The following MYLK4 variants were observed in gnomAD, a reference collection of about 807,000 sequenced individuals.
MYLK4 encodes myosin light chain kinase family member 4, also known as caMLCK like.
A neutral mutation model predicts 48.1 loss-of-function variants in MYLK4; 46 were observed. The observed-to-expected ratio is 0.96, with a 90% CI of 0.75 to 1.22. The LOEUF (loss-of-function observed/expected upper bound fraction) is 1.22, where lower values mean the gene tolerates loss of function less well. Ranked by LOEUF, MYLK4 falls within the 50% of genes most tolerant of loss-of-function variation. The pLI is 0.00. For synonymous variants in MYLK4, 170 were observed against 180.8 expected (o/e 0.94, Z 0.48); for missense variants, 451 against 486.1 (o/e 0.93, Z 0.68).
intron 12 of MYLK4, among the ~76,000 whole-genome samples, chr6:2,671,009 G>A (rs1057095983): frequency 3.3e-5 from 5 of 151,928 alleles, no homozygotes; most frequent in East Asian, 1.9e-4. Context: ...CTCTGGTCTC[G>A]GGGCTTTGCT....
At chr6:2,725,603 GAAACAAACAAAC>G (rs369948027) in intron 2 of MYLK4, among the ~76,000 whole-genome samples, 2 of 145,278 alleles carry the variant, frequency 1.4e-5, no homozygotes, top group African/African-American at 5.2e-5. Context: ...AAGAAAGAAA[GAAACAAACAAAC>G]AAACAAAGAA....
rs1251576143 is a variant in MYLK4 at position 2,665,080 on chromosome 6, C to T, written c.*2845G>A. The T allele has an allele frequency of 6.6e-6, 1 of 152,208 alleles. No individual in the cohort carries two copies. Among genetic ancestry groups the T allele is most frequent in the Non-Finnish European group, 1.5e-5 (1 of 68,048 alleles). 9.4% of individuals were successfully genotyped at this position (152,208 alleles called of 1,614,324 possible). A position where few individuals can be genotyped will look rare whatever the true frequency, so the allele number is the denominator to read the frequency against. On this transcript the variant is annotated 3_prime_UTR_variant, in exon 13 of 13. Transcript: ENST00000274643. ...GCCTAGTGAGTGAGCAAAGCCATACCATCCATTAAGAGGGTGGAGGAGAAA... is the reference window on the plus strand; with the variant it reads ...GCCTAGTGAGTGAGCAAAGCCATACTATCCATTAAGAGGGTGGAGGAGAAA...
intron 2 of MYLK4, among the ~76,000 whole-genome samples, chr6:2,730,577 A>C (rs936649306): frequency 2.6e-5 from 4 of 152,198 alleles, no homozygotes; most frequent in African/African-American, 2.4e-5. Flanking sequence ...GGAGGAATGA[A>C]TAGGGCAGTG....
At chr6:2,728,457 G>A (rs930946160) in intron 2 of MYLK4, among the ~76,000 whole-genome samples, 1 of 151,764 alleles carries the variant, frequency 6.6e-6, no homozygotes, top group African/African-American at 2.4e-5. Context: ...GGAGAGGTGG[G>A]AGCTCCTTTG....
At chr6:2,739,683 T>C (rs1172331452) in intron 2 of MYLK4, among the ~76,000 whole-genome samples, 1 of 152,190 alleles carries the variant, frequency 6.6e-6, no homozygotes, top group Non-Finnish European at 1.5e-5. Flanking sequence ...CAAATGAGGT[T>C]TTAAAAAATC....
chr6:2,739,763 C>T (rs190014278), intron 2 of MYLK4, among the ~76,000 whole-genome samples: 268 of 152,258 alleles, frequency 1.8e-3, no homozygotes, highest in African/African-American at 6.1e-3. Flanking sequence ...AGACCTAGGG[C>T]CTAAATATAC....
At chr6:2,762,693 G>A in the MYLK4 span, among the ~76,000 whole-genome samples, 13 of 152,274 alleles carry the variant, frequency 8.5e-5, no homozygotes, top group African/African-American at 2.4e-4. Flanking sequence ...ATGAATAAAC[G>A]CATAGACCCT....
chr6:2,665,351 G>A lies in MYLK4; in HGVS notation c.*2574C>T, dbSNP rs540858676. On this transcript the variant is annotated 3_prime_UTR_variant, in exon 13 of 13. Coordinates refer to ENST00000274643, the MANE Select transcript of MYLK4 (RefSeq NM_001012418.5). ...TAATCTCCCATTTCAAGTAACTCTA[G>A]ACTGTAATCATGAACTCTGCAATGC... The A allele has an allele frequency of 3.9e-5, 6 of 152,302 alleles. No homozygotes were observed. The highest frequency in any genetic ancestry group is 2.1e-4 in the South Asian group (1 of 4,828). 9.4% of individuals were successfully genotyped at this position (152,302 alleles called of 1,614,324 possible).
At chr6:2,703,665 C>CTTTTTTTTTTTTTTTTTTTTTTTT (rs3055234) in intron 2 of MYLK4, among the ~76,000 whole-genome samples, 2 of 95,120 alleles carry the variant, frequency 2.1e-5, no homozygotes, top group East Asian at 4.1e-4. Context: ...TTTGTGAATT[C>CTTTTTTTTTTTTTTTTTTTTTTTT]TTTTTTTTTT....
chr6:2,673,705 C>A lies in MYLK4; in HGVS notation c.1119+1342G>T, dbSNP rs1330050161. 6.6e-6 allele frequency among the ~76,000 whole-genome samples: 1 copy of A among 152,162 alleles called. No homozygotes were observed. The highest frequency in any genetic ancestry group is 1.5e-5 in the Non-Finnish European group (1 of 68,024). On this transcript the variant is annotated intron_variant, in intron 11 of 12. Coordinates refer to ENST00000274643, the MANE Select transcript of MYLK4 (RefSeq NM_001012418.5). The surrounding 1 kb of genome is among the most constrained non-coding windows in gnomAD (Gnocchi z 4.2). ...TCAGTAAAGTTACTTGGGCATTACACATCTGTTTCTGTGTTAATTATATAA... is the reference window on the plus strand; with the variant it reads ...TCAGTAAAGTTACTTGGGCATTACAAATCTGTTTCTGTGTTAATTATATAA...
rs1382724037 is a variant in MYLK4, at chr6:2,685,276, G to A, written c.545+20C>T. ...GAGTGCCCTTGGGGAGGTCAGGGAGGGGGCGGAGGGGATACGTACTACTCC... is the reference window on the plus strand; with the variant it reads ...GAGTGCCCTTGGGGAGGTCAGGGAGAGGGCGGAGGGGATACGTACTACTCC... On this transcript the variant is annotated intron_variant, in intron 6 of 12. Transcript: ENST00000274643. This position sits in a 1 kb window ranked among gnomAD's most constrained non-coding sequence, Gnocchi z 4.5. 1 of 1,572,708 alleles carries A rather than the reference G, an allele frequency of 6.4e-7. No homozygotes were observed. The highest frequency in any genetic ancestry group is 2.3e-5 in the East Asian group (1 of 44,256).
chr6:2,678,191 G>T, intron 10 of MYLK4, 29 bp downstream of exon 10: 4 of 1,609,192 alleles, frequency 2.5e-6, no homozygotes, highest in Non-Finnish European at 3.4e-6. Flanking sequence ...TCCCTACTGC[G>T]CCCGGAGCAC....
chr6:2,713,231 A>G (rs1762741168), intron 2 of MYLK4, among the ~76,000 whole-genome samples: 2 of 152,124 alleles, frequency 1.3e-5, no homozygotes, highest in African/African-American at 2.4e-5. Flanking sequence ...TTAGCCAGGC[A>G]TGGTGGTGCA....
At chr6:2,681,458 T>C (rs547766876) in intron 7 of MYLK4, among the ~76,000 whole-genome samples, 9 of 152,214 alleles carry the variant, frequency 5.9e-5, no homozygotes, top group Non-Finnish European at 1.0e-4. Context: ...AAATCACTGA[T>C]GGATCATGTA....
chr6:2,669,414 C>T (rs1760793562), intron 12 of MYLK4, among the ~76,000 whole-genome samples: 1 of 152,242 alleles, frequency 6.6e-6, no homozygotes, highest in Admixed American at 6.5e-5. Flanking sequence ...CCTCCCATCA[C>T]CATTTCCTCC....
At position 2,665,553 on chromosome 6, in the gene MYLK4, A is replaced by G. The variant is rs1403734412; in HGVS notation, c.*2372T>C. On this transcript the variant is annotated 3_prime_UTR_variant, in exon 13 of 13. Coordinates refer to ENST00000274643, the MANE Select transcript of MYLK4 (RefSeq NM_001012418.5). ...CCACTCACTGCAGGGTCATCAGTGC[A>G]TTAACTTGGCAAAGAAATCATGCCT... The G allele has an allele frequency of 6.6e-6, 1 of 152,278 alleles. No individual in the cohort carries two copies. The highest frequency in any genetic ancestry group is 1.5e-5 in the Non-Finnish European group (1 of 68,058). The allele number at this position is 152,278 out of a possible 1,614,324, so 9.4% of individuals were successfully genotyped here. A position where few individuals can be genotyped will look rare whatever the true frequency, so the allele number is the denominator to read the frequency against.
chr6:2,770,162 A>G, the MYLK4 span: 1 of 1,614,026 alleles, frequency 6.2e-7, no homozygotes, highest in Non-Finnish European at 8.5e-7. Flanking sequence ...GATCACTCTG[A>G]TTGGGGCAAC....
the MYLK4 span, among the ~76,000 whole-genome samples, chr6:2,767,574 T>C: frequency 1.3e-5 from 2 of 152,222 alleles, no homozygotes; most frequent in Non-Finnish European, 2.9e-5. Flanking sequence ...TAACATCTTA[T>C]GATGATGGTG....
At chr6:2,676,888 T>C (rs569279148) in intron 10 of MYLK4, among the ~76,000 whole-genome samples, 3 of 152,170 alleles carry the variant, frequency 2.0e-5, no homozygotes, top group African/African-American at 7.2e-5. Flanking sequence ...GTAAAACAGG[T>C]TCACAGTAAA....
Sources: allele counts gnomAD v4.1 joint callset (sites outside exome capture counted in the v4.1 genomes callset), GRCh38; gene constraint gnomAD v4.1.1; non-coding constraint Gnocchi (gnomAD v3.1); transcripts MANE v1.5; gene names NCBI Gene and HGNC (gene_info 2026-07-23, HGNC 2026-07-21).